UTRN: variants seen among roughly 807,000 people sequenced by gnomAD.
UTRN encodes utrophin.
UTRN carries 283 observed loss-of-function variants against 463.9 expected under a neutral mutation model. The ratio of observed to expected loss-of-function variants is 0.61; its 90% CI spans 0.55 to 0.67. The LOEUF is 0.67. Ranked by LOEUF, UTRN falls within the 30% of genes least tolerant of loss-of-function variation. UTRN has a pLI of 0.00. For missense variants in UTRN, 3,922 were observed against 4,084.3 expected (o/e 0.96, Z 1.08); for synonymous variants, 1,442 against 1,431.5 (o/e 1.01, Z -0.17).
intron 58 of UTRN, among the ~76,000 whole-genome samples, chr6:144,763,192 C>T (rs1255930798): frequency 6.6e-6 from 1 of 152,174 alleles, no homozygotes; most frequent in Admixed American, 6.6e-5. Context: ...TGACATTCCT[C>T]AATATTGCAA....
intron 2 of UTRN, among the ~76,000 whole-genome samples, chr6:144,372,597 C>T (rs1431973528): frequency 2.0e-5 from 3 of 151,702 alleles, no homozygotes; most frequent in East Asian, 1.9e-4. Flanking sequence ...CAGGTTCAAG[C>T]GATTCTCCTC....
intron 1 of UTRN, among the ~76,000 whole-genome samples, chr6:144,288,960 C>T (rs940460679): frequency 7.2e-5 from 11 of 152,016 alleles, no homozygotes; most frequent in Admixed American, 1.3e-4. Context: ...GACAGGGTTT[C>T]GCCATGTTGG....
chr6:144,338,911 C>G (rs1229023275), intron 2 of UTRN, among the ~76,000 whole-genome samples: 2 of 152,180 alleles, frequency 1.3e-5, no homozygotes, highest in East Asian at 3.9e-4. Context: ...CTGACTTGAA[C>G]AGCTGGGACT....
Position 144,413,194 on chromosome 6 carries a change from A to G in UTRN, c.142-8684A>G, listed in dbSNP as rs1265345332. On this transcript the variant is annotated intron_variant, in intron 3 of 74. Transcript: ENST00000367545. Reference sequence around the variant, plus strand: ...ATAAGGATGTTTTACTCATTGATGGACCACATATATGATCGTGGTCCCAGA... The same window carrying G: ...ATAAGGATGTTTTACTCATTGATGGGCCACATATATGATCGTGGTCCCAGA... 3.9e-5 allele frequency among the ~76,000 whole-genome samples: 6 copies of G among 152,306 alleles called. 1 individual carries two copies. The South Asian group carries it at 8.3e-4, about 21-fold the overall frequency.
chr6:144,757,173 C>G (rs1215666552), intron 57 of UTRN, among the ~76,000 whole-genome samples: 1 of 140,984 alleles, frequency 7.1e-6, no homozygotes, highest in Non-Finnish European at 1.5e-5. Flanking sequence ...TTAAATAAGT[C>G]TTAAAATAAT....
chr6:144,571,235 G>T (rs564523493), intron 50 of UTRN, among the ~76,000 whole-genome samples: 1 of 152,068 alleles, frequency 6.6e-6, no homozygotes, highest in Non-Finnish European at 1.5e-5. Flanking sequence ...TTCTGTTGAT[G>T]TTTTAAAAAT....
At chr6:144,387,200 C>T (rs1258556618) in intron 2 of UTRN, among the ~76,000 whole-genome samples, 6 of 151,974 alleles carry the variant, frequency 3.9e-5, no homozygotes, top group South Asian at 2.1e-4. Context: ...TGGAGTGCAG[C>T]GGCGCGATCT....
chr6:144,487,829 G>A (rs1020615461), intron 29 of UTRN, 132 bp downstream of exon 29: 1 of 725,880 alleles, frequency 1.4e-6, no homozygotes, highest in African/African-American at 1.8e-5. Flanking sequence ...AATGCTAACA[G>A]GGGCATTGAG....
At chr6:144,451,252 T>A in intron 17 of UTRN, 118 bp from the exon 18 acceptor site, 1 of 1,215,112 alleles carries the variant, frequency 8.2e-7, no homozygotes, top group Non-Finnish European at 1.1e-6. Flanking sequence ...TGGGTTGCTG[T>A]TTTTGGGGGA....
rs745771209 is a variant in UTRN, at chr6:144,516,228, G to A, written c.5245-1G>A. ...TTCAGAGAATTCTTTTCCTTCTACA[G>A]TTGCTAATTGCTCAGGAACCATTAT... On this transcript the variant is annotated splice_acceptor_variant, in intron 37 of 74. Transcript: ENST00000367545. LOFTEE classifies it high-confidence loss of function. 1 of 1,611,010 alleles carries A rather than the reference G, an allele frequency of 6.2e-7. No individual in the cohort carries two copies. The highest frequency in any genetic ancestry group is 2.2e-5 in the East Asian group (1 of 44,756).
intron 3 of UTRN, among the ~76,000 whole-genome samples, chr6:144,407,023 G>T (rs1412885546): frequency 6.6e-6 from 1 of 151,694 alleles, no homozygotes; most frequent in Admixed American, 6.6e-5. Context: ...CTTCCTGCTT[G>T]TCTGAGCTTA....
intron 64 of UTRN, among the ~76,000 whole-genome samples, chr6:144,798,871 A>C (rs1165470533): frequency 6.6e-6 from 1 of 152,236 alleles, no homozygotes; most frequent in East Asian, 1.9e-4. Flanking sequence ...CCTCCCGAGT[A>C]GCTGGGACTA....
chr6:144,667,971 C>T (rs1780599444), intron 51 of UTRN, among the ~76,000 whole-genome samples: 1 of 152,160 alleles, frequency 6.6e-6, no homozygotes, highest in Admixed American at 6.5e-5. Context: ...CCTAATTCTG[C>T]AAACTGCAAA....
At chr6:144,837,578 G>A (rs1781206347) in intron 71 of UTRN, among the ~76,000 whole-genome samples, 1 of 152,082 alleles carries the variant, frequency 6.6e-6, no homozygotes, top group Non-Finnish European at 1.5e-5. Flanking sequence ...GCTGTGTGGA[G>A]CTCCTATGTG....
At chr6:144,317,879 C>T (rs1206427542) in intron 2 of UTRN, among the ~76,000 whole-genome samples, 1 of 152,226 alleles carries the variant, frequency 6.6e-6, no homozygotes, top group Non-Finnish European at 1.5e-5. Flanking sequence ...TCTGCTCTCA[C>T]AGTCAGTAAA....
chr6:144,459,113 T>C, intron 20 of UTRN, 61 bp from the exon 21 acceptor site: 2 of 1,578,098 alleles, frequency 1.3e-6, no homozygotes, highest in Non-Finnish European at 1.7e-6. Flanking sequence ...CTGCCCTGAT[T>C]AACTTCCTGT....
Position 144,516,926 on chromosome 6 carries a change from A to C in UTRN, c.5519A>C (p.His1840Pro). 6.7e-7 allele frequency: 1 copy of C among 1,486,674 alleles called. No individual in the cohort carries two copies. The highest frequency in any genetic ancestry group is 8.9e-7 in the Non-Finnish European group (1 of 1,122,768). 92.1% of individuals were successfully genotyped at this position (1,486,674 alleles called of 1,614,324 possible). ...EKIRLQLLLL[H>P]TRYNKIKAIP... ...ATCCGTTTGCAATTATTACTTTTGCATACTAGATACAACAAAATTAAGGTA... is the reference window on the plus strand; with the variant it reads ...ATCCGTTTGCAATTATTACTTTTGCCTACTAGATACAACAAAATTAAGGTA... Residue 1840 changes from histidine (H) to proline (P), a missense_variant, in exon 39 of 75, where the codon CAT becomes CCT. Transcript: ENST00000367545.
chr6:144,783,338 A>G (rs1291804608), intron 61 of UTRN, among the ~76,000 whole-genome samples: 1 of 152,226 alleles, frequency 6.6e-6, no homozygotes, highest in Non-Finnish European at 1.5e-5. Context: ...TCATTCATAA[A>G]TGCACACATT....
intron 1 of UTRN, among the ~76,000 whole-genome samples, chr6:144,287,364 C>G (rs907582306): frequency 6.6e-6 from 1 of 152,092 alleles, no homozygotes; most frequent in Non-Finnish European, 1.5e-5. Flanking sequence ...GGAGCGCTTC[C>G]GAGTGTAAAT....
Sources: allele counts gnomAD v4.1 joint callset (sites outside exome capture counted in the v4.1 genomes callset), GRCh38; gene constraint gnomAD v4.1.1; transcripts MANE v1.5; gene names NCBI Gene and HGNC (gene_info 2026-07-23, HGNC 2026-07-21).